The following PMM1 variants were observed in gnomAD, a reference collection of about 807,000 sequenced individuals.
PMM1 encodes the protein brain glucose-1,6-bisphosphatase.
PMM1 carries 25 observed loss-of-function variants against 34.0 expected under a neutral mutation model. The observed-to-expected ratio is 0.73, with a 90% CI of 0.54 to 1.03. The LOEUF (loss-of-function observed/expected upper bound fraction) is 1.03. PMM1 is among the 50% of genes least tolerant of loss of function. PMM1 has a pLI of 0.00. For synonymous variants in PMM1, 134 were observed against 143.9 expected, an observed-to-expected ratio of 0.93 and a Z score of 0.49; for missense variants, 321 against 350.1, an observed-to-expected ratio of 0.92 and a Z score of 0.66.
Position 41,584,303 on chromosome 22 carries a change from G to C in PMM1, c.352C>G (p.Leu118Val), listed in dbSNP as rs755517288. Residue 118 changes from leucine to valine, a missense_variant, in exon 4 of 8, where the codon CTG becomes GTG. Physicochemically the swap from Leu to Val is conservative, Grantham distance 32. Coordinates refer to ENST00000216259, the MANE Select transcript of PMM1 (RefSeq NM_002676.3). ...CACCGCTTCTTGGGCAGCCTGAGCA[G>C]GGCCATGTAGCTGAGGCAGAAGTTG... ...LINFCLSYMALLRLPKKRGTF... is the reference protein window; with the variant it reads ...LINFCLSYMAVLRLPKKRGTF... The C allele has an allele frequency of 3.7e-6, 6 of 1,614,012 alleles. No homozygotes were observed. Among genetic ancestry groups the C allele is most frequent in the African/African-American group, 2.7e-5 (2 of 74,936 alleles).
intron 7 of PMM1, 143 bp downstream of exon 7, chr22:41,577,665 G>T: frequency 1.3e-6 from 1 of 762,744 alleles, no homozygotes; most frequent in Non-Finnish European, 2.2e-6. Flanking sequence ...AGCAATGGTT[G>T]TTCTCCAGGA....
At chr22:41,584,469 G>T in intron 3 of PMM1, 58 bp downstream of exon 3, 5 of 1,571,912 alleles carry the variant, frequency 3.2e-6, no homozygotes, top group Non-Finnish European at 4.4e-6. Flanking sequence ...AAGCCCCCTT[G>T]GACTGCTCCA....
rs1252730412 is a variant in PMM1 at position 41,577,273 on chromosome 22, A to G, written c.*45T>C. ...AACACCAGGACCTCTCTTTAGGCCT[A>G]GGCCAAACTCTTCAGAAGTCACGAC... On this transcript the variant is annotated 3_prime_UTR_variant, in exon 8 of 8. Coordinates refer to ENST00000216259, the MANE Select transcript of PMM1 (RefSeq NM_002676.3). The G allele has an allele frequency of 6.2e-7, 1 of 1,609,482 alleles. No homozygotes were observed. The highest frequency in any genetic ancestry group is 2.2e-5 in the East Asian group (1 of 44,818).
rs545046863 is a variant in PMM1 at position 41,586,362 on chromosome 22, T to A, written c.88-169A>T. 30 of 1,279,918 alleles carry A rather than the reference T, an allele frequency of 2.3e-5. No individual in the cohort carries two copies. In the East Asian group the frequency reaches 8.9e-4, roughly 38 times the overall value. The allele number at this position is 1,279,918 out of a possible 1,614,324, so 79.3% of individuals were successfully genotyped here. A position where few individuals can be genotyped will look rare whatever the true frequency, so the allele number is the denominator to read the frequency against. Reference sequence around the variant, plus strand: ...GACAGGTTGGACACTGTGGCTCAGGTCTGCAATCCCAACACTTTGCGAGGC... The same window carrying A: ...GACAGGTTGGACACTGTGGCTCAGGACTGCAATCCCAACACTTTGCGAGGC... On this transcript the variant is annotated intron_variant, in intron 1 of 7. Transcript: ENST00000216259.
rs188185663 is a variant in PMM1, at chr22:41,589,190, T to C, written c.87+529A>G. On this transcript the variant is annotated intron_variant, in intron 1 of 7. Coordinates refer to ENST00000216259, the MANE Select transcript of PMM1 (RefSeq NM_002676.3). ...TGGGGGTGGAAGGTAAAGTGGGTGATGGGGCTTCAGAAACTAGACCCAGTC... is the reference window on the plus strand; with the variant it reads ...TGGGGGTGGAAGGTAAAGTGGGTGACGGGGCTTCAGAAACTAGACCCAGTC... The C allele has an allele frequency of 8.2e-5, 95 of 1,160,956 alleles. No homozygotes were observed. The African/African-American group carries it at 1.3e-3, about 15-fold the overall frequency. 71.9% of individuals were successfully genotyped at this position (1,160,956 alleles called of 1,614,324 possible). A position where few individuals can be genotyped will look rare whatever the true frequency, so the allele number is the denominator to read the frequency against.
At chr22:41,582,528 G>A (rs912643856) in intron 5 of PMM1, among the ~76,000 whole-genome samples, 8 of 152,164 alleles carry the variant, frequency 5.3e-5, no homozygotes, top group African/African-American at 1.4e-4. Context: ...AGAACAAGCC[G>A]CAGAAATCCC....
chr22:41,577,584 G>A lies in PMM1; in HGVS notation c.667-144C>T, dbSNP rs1309941685. 4 of 996,314 alleles carry A rather than the reference G, an allele frequency of 4.0e-6. No individual in the cohort carries two copies. The African/African-American group carries it at 6.4e-5, about 16-fold the overall frequency. The allele number at this position is 996,314 out of a possible 1,614,324, so 61.7% of individuals were successfully genotyped here. ...CCCCTTGTCAGACCTGCCCTGACTT[G>A]CTGTGTGATGTAGAACAAGTGCCCA... On this transcript the variant is annotated intron_variant, in intron 7 of 7. Coordinates refer to ENST00000216259, the MANE Select transcript of PMM1 (RefSeq NM_002676.3).
In PMM1 at chr22:41,577,056, C is replaced by T. The variant is rs915111499; in HGVS notation, c.*262G>A. ...GGTGCAGAAAGAAACCTCTTCTGTA[C>T]CGAAATACAAGCAGCAGCTGTGGCC... On this transcript the variant is annotated 3_prime_UTR_variant, in exon 8 of 8. Coordinates refer to ENST00000216259, the MANE Select transcript of PMM1 (RefSeq NM_002676.3). 1.1e-5 allele frequency: 6 copies of T among 533,340 alleles called. No homozygotes were observed. Among genetic ancestry groups the T allele is most frequent in the African/African-American group, 1.9e-5 (1 of 52,440 alleles). The allele number at this position is 533,340 out of a possible 1,614,324, so 33.0% of individuals were successfully genotyped here.
Position 41,578,847 on chromosome 22 carries a change from A to C in PMM1, c.509T>G (p.Leu170Arg). 1 of 1,614,000 alleles carries C rather than the reference A, an allele frequency of 6.2e-7. No homozygotes were observed. The highest frequency in any genetic ancestry group is 8.5e-7 in the Non-Finnish European group (1 of 1,179,956). The change falls in exon 6 of 8, where the codon CTG (leucine) becomes CGG (arginine). Residue 170 changes from leucine (L) to arginine (R), a missense_variant. Physicochemically the swap from Leu to Arg is moderately radical, Grantham distance 102 (BLOSUM62 -2). Transcript: ENST00000216259. ...EKIREKFVEALKTEFAGKGLR... is the reference protein window; with the variant it reads ...EKIREKFVEARKTEFAGKGLR... Reference sequence around the variant, plus strand: ...CCCTTTGCCAGCAAACTCTGTTTTCAGGGCTTCCACGAACTTCTCCCGGAT... The same window carrying C: ...CCCTTTGCCAGCAAACTCTGTTTTCCGGGCTTCCACGAACTTCTCCCGGAT...
At chr22:41,587,733 T>C (rs1272564166) in intron 1 of PMM1, among the ~76,000 whole-genome samples, 1 of 152,100 alleles carries the variant, frequency 6.6e-6, no homozygotes, top group African/African-American at 2.4e-5. Flanking sequence ...TCTGGGCAAA[T>C]AGATCCAGAT....
intron 1 of PMM1, 188 bp from the exon 2 acceptor site, chr22:41,586,381 G>T: frequency 9.8e-7 from 1 of 1,020,660 alleles, no homozygotes; most frequent in Non-Finnish European, 1.3e-6. Flanking sequence ...CCAACACTTT[G>T]CGAGGCCAAG....
chr22:41,586,843 C>A (rs902589379), intron 1 of PMM1, among the ~76,000 whole-genome samples: 7 of 147,948 alleles, frequency 4.7e-5, no homozygotes, highest in Admixed American at 4.0e-4. Flanking sequence ...CATGGGCTGG[C>A]ACGGTGGTTC....
intron 1 of PMM1, among the ~76,000 whole-genome samples, chr22:41,587,857 T>C (rs965819718): frequency 3.9e-5 from 6 of 152,196 alleles, no homozygotes; most frequent in African/African-American, 1.4e-4. Context: ...TTCCATTCTT[T>C]ACCAGGAGAG....
At chr22:41,580,858 C>T (rs1003532539) in intron 5 of PMM1, among the ~76,000 whole-genome samples, 6 of 151,794 alleles carry the variant, frequency 4.0e-5, no homozygotes, top group African/African-American at 1.2e-4. Flanking sequence ...GGCTCATGCC[C>T]GTAATTCCAG....
intron 1 of PMM1, chr22:41,589,393 G>T: frequency 2.1e-6 from 1 of 478,004 alleles, no homozygotes; most frequent in Non-Finnish European, 3.9e-6. Context: ...AGGCGGGGGC[G>T]TCCGTGAGCC....
chr22:41,586,359 A>G (rs1205283871), intron 1 of PMM1, 166 bp from the exon 2 acceptor site: 5 of 1,315,266 alleles, frequency 3.8e-6, no homozygotes, highest in African/African-American at 3.1e-5. Context: ...ACTGTGGCTC[A>G]GGTCTGCAAT....
intron 7 of PMM1, 43 bp from the exon 8 acceptor site, chr22:41,577,483 T>C (rs1226618572): frequency 1.3e-6 from 2 of 1,579,616 alleles, no homozygotes; most frequent in Non-Finnish European, 1.7e-6. Context: ...TTAGGTGGAG[T>C]CCCTCTCCAC....
intron 1 of PMM1, among the ~76,000 whole-genome samples, chr22:41,587,004 A>G (rs1290401532): frequency 2.0e-5 from 3 of 149,572 alleles, no homozygotes; most frequent in African/African-American, 7.3e-5. Context: ...GCGGTGGCTC[A>G]CGCCTGTAAT....
intron 5 of PMM1, among the ~76,000 whole-genome samples, chr22:41,581,621 A>AGGTG (rs2067248089): frequency 6.6e-6 from 1 of 151,808 alleles, no homozygotes; most frequent in Non-Finnish European, 1.5e-5. Flanking sequence ...TGGAAGGTTG[A>AGGTG]GGTGGGTGGA....
Sources: gnomAD v4.1 joint callset for allele counts (sites outside exome capture counted in the v4.1 genomes callset) on GRCh38, gnomAD v4.1.1 for gene constraint, MANE v1.5 for transcripts, NCBI Gene and HGNC (gene_info 2026-07-23, HGNC 2026-07-21) for gene names.